NKAIN2: variants seen among roughly 807,000 people sequenced by gnomAD.
NKAIN2 encodes the protein sodium/potassium-transporting ATPase subunit beta-1-interacting protein 2.
Under a neutral mutation model 32.6 loss-of-function variants are expected in NKAIN2, and 14 were observed. The observed-to-expected ratio is 0.43, with a 90% confidence interval of 0.28 to 0.67. The LOEUF is 0.67. Ranked by LOEUF, NKAIN2 falls within the 30% of genes least tolerant of loss-of-function variation. The pLI is 0.17. For synonymous variants in NKAIN2, 80 were observed against 87.2 expected, an observed-to-expected ratio of 0.92 and a Z score of 0.46; for missense variants, 198 against 258.3, an observed-to-expected ratio of 0.77 and a Z score of 1.60.
chr6:124,603,582 AT>A lies in NKAIN2; in HGVS notation c.274-54601del, dbSNP rs1289074337. On this transcript the variant is annotated intron_variant, in intron 3 of 6. Coordinates refer to ENST00000368417, the MANE Select transcript of NKAIN2 (RefSeq NM_001040214.3). ...GATTAAAGTTACAAAATAGTAGAAC[AT>A]TTGATTAACTAAGCTGCCTCAGAAT... 5.3e-5 allele frequency among the ~76,000 whole-genome samples: 8 copies of A among 152,110 alleles called. No homozygotes were observed. The East Asian group carries it at 1.2e-3, about 22-fold the overall frequency.
At chr6:124,772,384 G>C (rs1328086612) in intron 4 of NKAIN2, among the ~76,000 whole-genome samples, 5 of 152,148 alleles carry the variant, frequency 3.3e-5, no homozygotes, top group Admixed American at 6.5e-5. Context: ...AGTTAAGGGG[G>C]AAGAGGACTC....
intron 1 of NKAIN2, among the ~76,000 whole-genome samples, chr6:123,979,930 A>G (rs911731700): frequency 6.6e-6 from 1 of 152,118 alleles, no homozygotes; most frequent in Non-Finnish European, 1.5e-5. Flanking sequence ...ATCTCCTGCA[A>G]ATATCTACAG....
chr6:124,771,177 T>A (rs1778735338), intron 4 of NKAIN2, among the ~76,000 whole-genome samples: 2 of 152,094 alleles, frequency 1.3e-5, no homozygotes, highest in Admixed American at 6.5e-5. Context: ...CCATAAGACA[T>A]TTTAGAGAAT....
chr6:123,926,394 T>G (rs1420609919), intron 1 of NKAIN2, among the ~76,000 whole-genome samples: 1 of 152,152 alleles, frequency 6.6e-6, no homozygotes, highest in Non-Finnish European at 1.5e-5. Flanking sequence ...TCTTCACTTC[T>G]GCAGATTCCT....
chr6:124,399,225 C>T lies in NKAIN2; in HGVS notation c.273+43878C>T, dbSNP rs200692719. Among the ~76,000 whole-genome samples the T allele has an allele frequency of 3.3e-5, 5 of 152,260 alleles. No individual in the cohort carries two copies. The East Asian group carries it at 7.7e-4, about 24-fold the overall frequency. ...TACAAGCATGAGCCACCAGGCTTGG[C>T]CTTTATTTTTAAAATCTGTTTTTAT... On this transcript the variant is annotated intron_variant, in intron 3 of 6. Transcript: ENST00000368417.
intron 3 of NKAIN2, among the ~76,000 whole-genome samples, chr6:124,560,152 A>G (rs1251541027): frequency 6.6e-6 from 1 of 152,142 alleles, no homozygotes; most frequent in African/African-American, 2.4e-5. Flanking sequence ...TGTAGTTCCC[A>G]TAATTCACAC....
At chr6:124,210,272 G>T (rs931143692) in intron 1 of NKAIN2, among the ~76,000 whole-genome samples, 3 of 151,330 alleles carry the variant, frequency 2.0e-5, no homozygotes, top group Non-Finnish European at 4.4e-5. Flanking sequence ...TTTATGGGTT[G>T]TCTATTCTGT....
At chr6:124,592,457 G>C (rs991445030) in intron 3 of NKAIN2, among the ~76,000 whole-genome samples, 3 of 152,158 alleles carry the variant, frequency 2.0e-5, no homozygotes, top group Non-Finnish European at 2.9e-5. Context: ...AACTATAGTA[G>C]AGTCATTTTG....
intron 1 of NKAIN2, among the ~76,000 whole-genome samples, chr6:124,042,529 C>T (rs758962458): frequency 1.3e-5 from 2 of 152,040 alleles, no homozygotes; most frequent in Admixed American, 6.6e-5. Flanking sequence ...TCACTTTACT[C>T]GTGGGGGAAA....
intron 3 of NKAIN2, among the ~76,000 whole-genome samples, chr6:124,539,395 A>C (rs73567523): frequency 0.018 from 2,678 of 151,238 alleles, 71 homozygotes; most frequent in African/African-American, 0.062. Context: ...TTTTTCATTC[A>C]GTCATTTACT....
intron 1 of NKAIN2, among the ~76,000 whole-genome samples, chr6:124,115,376 C>CCTT (rs1785561451): frequency 6.6e-6 from 1 of 152,200 alleles, no homozygotes; most frequent in Admixed American, 6.5e-5. Flanking sequence ...ATGTCATGTG[C>CCTT]CTTCACATAT....
chr6:124,378,841 G>C lies in NKAIN2; in HGVS notation c.273+23494G>C, dbSNP rs929104981. ...GCAGTGGCTCACACCTGTAGTCCCA[G>C]TACTTTGGGAGGCTAAGACTGGAGG... On this transcript the variant is annotated intron_variant, in intron 3 of 6. Transcript: ENST00000368417. 1.2e-4 allele frequency among the ~76,000 whole-genome samples: 18 copies of C among 151,506 alleles called. 1 individual carries two copies. In the South Asian group the frequency reaches 2.3e-3, roughly 19 times the overall value.
At chr6:124,276,085 G>A (rs369229018) in intron 1 of NKAIN2, among the ~76,000 whole-genome samples, 67 of 152,076 alleles carry the variant, frequency 4.4e-4, no homozygotes, top group African/African-American at 1.5e-3. Flanking sequence ...TGTAATCAGA[G>A]CAATTAGGGC....
chr6:124,283,130 T>A lies in NKAIN2; in HGVS notation c.180T>A (p.Arg60=), dbSNP rs756208331. The part of the protein sequence containing the change: ...GLFGTIQYRP[R]YITGYAVWLV... ...TTGGAACTATTCAATATAGACCTCG[T>A]TACATAACAGGAGTAAGTACATTTT... Residue 60 remains arginine, a synonymous_variant, in exon 2 of 7, where the codon CGT becomes CGA. Coordinates refer to ENST00000368417, the MANE Select transcript of NKAIN2 (RefSeq NM_001040214.3). 6.2e-7 allele frequency: 1 copy of A among 1,605,882 alleles called. No homozygotes were observed. Among genetic ancestry groups the A allele is most frequent in the African/African-American group, 1.3e-5 (1 of 74,768 alleles).
At chr6:123,941,499 T>C (rs887619801) in intron 1 of NKAIN2, among the ~76,000 whole-genome samples, 6 of 151,762 alleles carry the variant, frequency 4.0e-5, no homozygotes, top group Admixed American at 2.0e-4. Flanking sequence ...GTTATGATGG[T>C]GTTGATAGAA....
intron 1 of NKAIN2, among the ~76,000 whole-genome samples, chr6:124,219,999 T>A (rs1791725017): frequency 1.3e-5 from 2 of 152,184 alleles, no homozygotes; most frequent in South Asian, 4.1e-4. Context: ...ACCTTAAATA[T>A]AAAGCATGAA....
intron 3 of NKAIN2, among the ~76,000 whole-genome samples, chr6:124,521,142 C>G (rs564667201): frequency 1.3e-5 from 2 of 152,204 alleles, no homozygotes; most frequent in Non-Finnish European, 2.9e-5. Context: ...TGCCTCATTG[C>G]ACTGGCTAGG....
chr6:124,344,653 G>C (rs1042353537), intron 2 of NKAIN2, among the ~76,000 whole-genome samples: 1 of 152,070 alleles, frequency 6.6e-6, no homozygotes, highest in Non-Finnish European at 1.5e-5. Flanking sequence ...TGGTGTATAA[G>C]AATGCTTGTG....
intron 1 of NKAIN2, among the ~76,000 whole-genome samples, chr6:124,209,041 G>T (rs1446881170): frequency 6.7e-6 from 1 of 149,938 alleles, no homozygotes; most frequent in Non-Finnish European, 1.5e-5. Context: ...ACCTTATTTT[G>T]GTACTGAATA....
Sources: gnomAD v4.1 joint callset for allele counts (sites outside exome capture counted in the v4.1 genomes callset) on GRCh38, gnomAD v4.1.1 for gene constraint, MANE v1.5 for transcripts, NCBI Gene and HGNC (gene_info 2026-07-23, HGNC 2026-07-21) for gene names.